Variants in SLC44A1 observed in about 807,000 individuals in gnomAD.
The protein encoded by SLC44A1 is solute carrier family 44 member 1, also known as choline transporter-like protein 1.
SLC44A1 carries 26 observed loss-of-function variants against 79.3 expected under a neutral mutation model. That is an observed-to-expected ratio of 0.33 (90% confidence interval 0.24 to 0.46). The LOEUF (loss-of-function observed/expected upper bound fraction) is 0.46, where lower values mean the gene tolerates loss of function less well. Among genes scored for constraint, SLC44A1 ranks in the 20% least tolerant of loss-of-function variants. The probability of loss-of-function intolerance (pLI) is 1.00; values close to 1 mark genes in which losing one functional copy is unlikely to be tolerated. For missense variants in SLC44A1, 688 were observed against 798.1 expected (o/e 0.86, Z 1.66); for synonymous variants, 263 against 286.2 (o/e 0.92, Z 0.82).
intron 1 of SLC44A1, among the ~76,000 whole-genome samples, chr9:105,256,327 T>C (rs905558435): frequency 6.6e-6 from 1 of 152,086 alleles, no homozygotes; most frequent in Non-Finnish European, 1.5e-5. Flanking sequence ...TATATTCTTG[T>C]GGTAATTTTA....
intron 15 of SLC44A1, chr9:105,386,379 T>C: frequency 1.0e-6 from 1 of 969,264 alleles, no homozygotes. Context: ...CATCCTTAAA[T>C]AATTTTAAAC....
chr9:105,382,872 G>A (rs16924529), intron 13 of SLC44A1, among the ~76,000 whole-genome samples: 12,227 of 152,140 alleles, frequency 0.08, 603 homozygotes, highest in African/African-American at 0.13. Context: ...GTGCAGCATA[G>A]CATTTGGAAA....
At chr9:105,324,762 A>G (rs1310915488) in intron 3 of SLC44A1, among the ~76,000 whole-genome samples, 2 of 152,220 alleles carry the variant, frequency 1.3e-5, no homozygotes, top group South Asian at 2.1e-4. Context: ...AAGATAGCCA[A>G]CATCATTAGC....
chr9:105,244,659 A>AGCCGCCGTC lies in SLC44A1; in HGVS notation c.-202_-194dup, dbSNP rs1554780973. On this transcript the variant is annotated 5_prime_UTR_variant, in exon 1 of 16. Transcript: ENST00000374720. ...AGCAGGAGCAGAGCAGGAGACGCGTAGCCGCCGTCGCCGCCGCCGGGGGAT... is the reference window on the plus strand; with the variant it reads ...AGCAGGAGCAGAGCAGGAGACGCGTAGCCGCCGTCGCCGCCGTCGCCGCCGCCGGGGGAT... The AGCCGCCGTC allele has an allele frequency of 1.6e-5, 4 of 246,566 alleles. No homozygotes were observed. Among genetic ancestry groups the AGCCGCCGTC allele is most frequent in the Admixed American group, 5.7e-5 (1 of 17,690 alleles). The allele number at this position is 246,566 out of a possible 1,614,324, so 15.3% of individuals were successfully genotyped here.
rs1330282977 is a variant in SLC44A1, at chr9:105,397,294, C to CT, written c.*8239dup. The CT allele has an allele frequency of 2.0e-6, 2 of 980,340 alleles. No individual in the cohort carries two copies. Among genetic ancestry groups the CT allele is most frequent in the Non-Finnish European group, 2.4e-6 (2 of 825,506 alleles). 60.7% of individuals were successfully genotyped at this position (980,340 alleles called of 1,614,324 possible). The stretch of plus-strand genomic sequence containing the variant: ...ATTATAATGAAAACTGTATTTTAGT[C>CT]TAACAAATGTATAGAATTTTTTATG... On this transcript the variant is annotated 3_prime_UTR_variant, in exon 16 of 16. Coordinates refer to ENST00000374720, the MANE Select transcript of SLC44A1 (RefSeq NM_080546.5).
intron 1 of SLC44A1, among the ~76,000 whole-genome samples, chr9:105,263,616 A>G (rs1427456678): frequency 6.6e-6 from 1 of 151,234 alleles, no homozygotes; most frequent in Non-Finnish European, 1.5e-5. Context: ...GGCTCACTCA[A>G]CGTCCACCTC....
chr9:105,365,931 A>G (rs1198848746), intron 11 of SLC44A1, among the ~76,000 whole-genome samples: 1 of 152,182 alleles, frequency 6.6e-6, no homozygotes, highest in Non-Finnish European at 1.5e-5. Flanking sequence ...AATAACATGC[A>G]CTTCAACTAG....
intron 1 of SLC44A1, among the ~76,000 whole-genome samples, chr9:105,283,212 C>T (rs1830400075): frequency 6.6e-6 from 1 of 152,120 alleles, no homozygotes; most frequent in South Asian, 2.1e-4. Context: ...GGAGAAACAA[C>T]CTTGTTTTAT....
chr9:105,280,139 T>C lies in SLC44A1; in HGVS notation c.37-19081T>C, dbSNP rs201000698. 5.3e-5 allele frequency among the ~76,000 whole-genome samples: 8 copies of C among 152,288 alleles called. No homozygotes were observed. The East Asian group carries it at 1.2e-3, about 22-fold the overall frequency. ...TAAATTTAACGTGATTTGAGTAAAA[T>C]TGACAAAATGATTTACAAAATGATT... On this transcript the variant is annotated intron_variant, in intron 1 of 15. Coordinates refer to ENST00000374720, the MANE Select transcript of SLC44A1 (RefSeq NM_080546.5).
At chr9:105,424,948 C>CAAA (rs200345209) in intron 15 of SLC44A1, among the ~76,000 whole-genome samples, 6 of 96,182 alleles carry the variant, frequency 6.2e-5, no homozygotes, top group African/African-American at 1.9e-4. Flanking sequence ...GACTCCATCT[C>CAAA]AAAAAAAAAA....
chr9:105,318,767 G>A (rs1048910537), intron 3 of SLC44A1, among the ~76,000 whole-genome samples: 1 of 151,796 alleles, frequency 6.6e-6, no homozygotes, highest in Non-Finnish European at 1.5e-5. Context: ...AAGTCAAAAT[G>A]TTTTGCCAAT....
chr9:105,400,480 G>A (rs1286266157), downstream of SLC44A1, among the ~76,000 whole-genome samples: 5 of 83,048 alleles, frequency 6.0e-5, no homozygotes, highest in Admixed American at 1.5e-4. Context: ...AGAGCAAGAC[G>A]CCATCTCAAA....
At chr9:105,367,192 C>A (rs1684325956) in intron 12 of SLC44A1, among the ~76,000 whole-genome samples, 2 of 151,840 alleles carry the variant, frequency 1.3e-5, no homozygotes, top group African/African-American at 4.8e-5. Context: ...TGTATTAATG[C>A]CCTCATCTAA....
At chr9:105,377,441 T>C (rs1828324329) in intron 13 of SLC44A1, among the ~76,000 whole-genome samples, 1 of 151,952 alleles carries the variant, frequency 6.6e-6, no homozygotes, top group South Asian at 2.1e-4. Context: ...GAGTATGCAT[T>C]ATTTTTTTAA....
rs1829388683 is a variant in SLC44A1, at chr9:105,244,892, C to T, written c.24C>T (p.Ser8=). 1 of 1,179,380 alleles carries T rather than the reference C, an allele frequency of 8.5e-7. No homozygotes were observed. 73.1% of individuals were successfully genotyped at this position (1,179,380 alleles called of 1,614,324 possible). A position where few individuals can be genotyped will look rare whatever the true frequency, so the allele number is the denominator to read the frequency against. The change falls in exon 1 of 16, where the codon TCC becomes TCT. Residue 8 remains serine (S), a synonymous_variant. Coordinates refer to ENST00000374720, the MANE Select transcript of SLC44A1 (RefSeq NM_080546.5). The part of the protein sequence containing the change: MGCCSSA[S]SAAQSSKREW... ...CCATGGGCTGCTGCAGCTCCGCCTC[C>T]TCCGCCGCGCAGGTGAGGGGCTCCC...
At chr9:105,424,009 G>T (rs1339428683) in intron 15 of SLC44A1, among the ~76,000 whole-genome samples, 1 of 152,078 alleles carries the variant, frequency 6.6e-6, no homozygotes, top group Admixed American at 6.5e-5. Context: ...TATGGACAAG[G>T]AAAAATTAAA....
At chr9:105,426,893 A>G (rs1426744997) in intron 15 of SLC44A1, among the ~76,000 whole-genome samples, 1 of 152,086 alleles carries the variant, frequency 6.6e-6, no homozygotes. Flanking sequence ...AGGTAAAGAC[A>G]AGATACATAT....
chr9:105,251,804 C>A, intron 1 of SLC44A1, among the ~76,000 whole-genome samples: 1 of 152,160 alleles, frequency 6.6e-6, no homozygotes, highest in South Asian at 2.1e-4. Flanking sequence ...CTTGGAAAAG[C>A]CTTTTCTGAT....
intron 15 of SLC44A1, among the ~76,000 whole-genome samples, chr9:105,413,864 G>T (rs1829130808): frequency 6.6e-6 from 1 of 152,186 alleles, no homozygotes; most frequent in Non-Finnish European, 1.5e-5. Flanking sequence ...AGGAATGTGT[G>T]TAGAGGCTGG....
Sources: gnomAD v4.1 joint callset for allele counts (sites outside exome capture counted in the v4.1 genomes callset) on GRCh38, gnomAD v4.1.1 for gene constraint, MANE v1.5 for transcripts, NCBI Gene and HGNC (gene_info 2026-07-23, HGNC 2026-07-21) for gene names.